EZR: variants seen among roughly 807,000 people sequenced by gnomAD.
EZR encodes cytovillin 2.
Under a neutral mutation model 74.8 loss-of-function variants are expected in EZR, and 40 were observed. That is an observed-to-expected ratio of 0.53 (90% CI 0.42 to 0.70). The LOEUF is 0.70. EZR is among the 30% of genes least tolerant of loss of function. The pLI is 0.00. For missense variants in EZR, 678 were observed against 755.8 expected (o/e 0.90, Z 1.21); for synonymous variants, 341 against 283.3 (o/e 1.20, Z -2.05).
intron 1 of EZR, among the ~76,000 whole-genome samples, chr6:158,818,785 C>G (rs1488672363): frequency 2.1e-5 from 3 of 143,350 alleles, no homozygotes; most frequent in Non-Finnish European, 4.5e-5. Flanking sequence ...AGTCCCGGGA[C>G]AGCCAGCGCG....
chr6:158,803,111 T>C (rs1480910889), intron 2 of EZR, among the ~76,000 whole-genome samples: 1 of 152,060 alleles, frequency 6.6e-6, no homozygotes, highest in African/African-American at 2.4e-5. Flanking sequence ...AAACTTAAAA[T>C]GTCAAGGCTA....
intron 2 of EZR, among the ~76,000 whole-genome samples, chr6:158,802,930 G>GTATATATATATATATATATATATA (rs1562503824): frequency 1.2e-4 from 19 of 152,044 alleles, no homozygotes; most frequent in African/African-American, 4.6e-4. Context: ...CTCCTACCCT[G>GTATATATATATATATATATATATA]CGATTCTCCT....
At chr6:158,782,072 T>C (rs1791447680) in intron 7 of EZR, among the ~76,000 whole-genome samples, 1 of 152,094 alleles carries the variant, frequency 6.6e-6, no homozygotes, top group African/African-American at 2.4e-5. Flanking sequence ...CCGTGCTTCT[T>C]TACCAATGCT....
intron 2 of EZR, among the ~76,000 whole-genome samples, chr6:158,803,530 TATATATA>T (rs1777236552): frequency 2.9e-5 from 2 of 68,194 alleles, no homozygotes; most frequent in African/African-American, 8.2e-5. Flanking sequence ...TGTAACATTA[TATATATA>T]TATATATGTA....
At chr6:158,817,355 C>G (rs1362637869) in intron 2 of EZR, among the ~76,000 whole-genome samples, 2 of 152,218 alleles carry the variant, frequency 1.3e-5, no homozygotes, top group Non-Finnish European at 2.9e-5. Flanking sequence ...CAGGTCTCGC[C>G]AGCAATCTCA....
intron 2 of EZR, among the ~76,000 whole-genome samples, chr6:158,803,626 C>A (rs1281610750): frequency 5.5e-5 from 1 of 18,304 alleles, no homozygotes; most frequent in Non-Finnish European, 1.1e-4. Context: ...TATATATATA[C>A]ATATACATAC....
chr6:158,775,962 T>C (rs141923461), intron 8 of EZR, among the ~76,000 whole-genome samples: 60 of 152,318 alleles, frequency 3.9e-4, no homozygotes, highest in South Asian at 8.3e-4. Context: ...GAAGCCCCGA[T>C]GAAACCTTGG....
At chr6:158,795,356 A>G (rs1562500793) in intron 2 of EZR, among the ~76,000 whole-genome samples, 1 of 152,164 alleles carries the variant, frequency 6.6e-6, no homozygotes, top group Non-Finnish European at 1.5e-5. Context: ...GGAGGATCTC[A>G]AGGCGAGGAG....
intron 2 of EZR, among the ~76,000 whole-genome samples, chr6:158,798,837 C>G (rs960530999): frequency 6.6e-5 from 10 of 151,978 alleles, no homozygotes; most frequent in African/African-American, 2.2e-4. Flanking sequence ...CCATGTTGCC[C>G]AGGGTGGCCT....
At chr6:158,781,205 C>T (rs776031594) in intron 7 of EZR, among the ~76,000 whole-genome samples, 5 of 152,082 alleles carry the variant, frequency 3.3e-5, no homozygotes, top group Admixed American at 6.5e-5. Context: ...ATGCTGCTAC[C>T]AAGTTGTCAA....
In EZR at chr6:158,785,535, G is replaced by C. The variant is rs369743003; in HGVS notation, c.241C>G (p.Arg81Gly). ...ACATCTTCAGGGTAGAACTTGGCCC[G>C]GAACTTGAACTGGAGGGGATTCTCC... ...RKENPLQFKF[R>G]AKFYPEDVAE... Residue 81 changes from arginine (R) to glycine (G), a missense_variant, in exon 5 of 14, where the codon CGG (arginine) becomes GGG (glycine). Physicochemically the swap from Arg to Gly is moderately radical, Grantham distance 125. Coordinates refer to ENST00000367075, the MANE Select transcript of EZR (RefSeq NM_001111077.2). 6.2e-7 allele frequency: 1 copy of C among 1,614,164 alleles called. No individual in the cohort carries two copies.
chr6:158,794,444 A>T (rs575019776), intron 2 of EZR, among the ~76,000 whole-genome samples: 2 of 152,334 alleles, frequency 1.3e-5, no homozygotes, highest in East Asian at 3.9e-4. Flanking sequence ...ACATATTTGA[A>T]TGCCAACTGG....
At chr6:158,813,236 A>G (rs1777485148) in intron 2 of EZR, among the ~76,000 whole-genome samples, 1 of 152,134 alleles carries the variant, frequency 6.6e-6, no homozygotes, top group Non-Finnish European at 1.5e-5. Flanking sequence ...CAGGGAGGTC[A>G]CGTCCTCAAG....
rs1484926525 is a variant in EZR at position 158,766,191 on chromosome 6, CCT to C, written c.*721_*722del. The C allele has an allele frequency of 6.6e-6, 1 of 152,320 alleles. No homozygotes were observed. Among genetic ancestry groups the C allele is most frequent in the East Asian group, 1.9e-4 (1 of 5,192 alleles). The allele number at this position is 152,320 out of a possible 1,614,324, so 9.4% of individuals were successfully genotyped here. On this transcript the variant is annotated 3_prime_UTR_variant, in exon 14 of 14. Coordinates refer to ENST00000367075, the MANE Select transcript of EZR (RefSeq NM_001111077.2). ...ACAAAATATACAGAACAAAACTTTC[CCT>C]TTTTAAAACTAATGTTACAAATCTG...
intron 2 of EZR, among the ~76,000 whole-genome samples, chr6:158,802,587 A>G (rs947326620): frequency 5.3e-5 from 8 of 152,112 alleles, no homozygotes; most frequent in Admixed American, 3.9e-4. Flanking sequence ...GCTGGAGTGC[A>G]GTGGCGCAAT....
intron 2 of EZR, among the ~76,000 whole-genome samples, chr6:158,816,714 C>T (rs1777564133): frequency 1.6e-5 from 1 of 64,304 alleles, no homozygotes; most frequent in South Asian, 3.5e-4. Flanking sequence ...TCTGAATCTA[C>T]TGGCATATTA....
At chr6:158,770,063 TG>T (rs1791053395) in intron 10 of EZR, 119 bp from the exon 11 acceptor site, 1 of 1,307,672 alleles carries the variant, frequency 7.6e-7, no homozygotes, top group Non-Finnish European at 1.0e-6. Context: ...GTTGAGGGGA[TG>T]TCTTCCAGTG....
intron 2 of EZR, among the ~76,000 whole-genome samples, chr6:158,816,628 A>G (rs972371511): frequency 9.9e-5 from 15 of 152,258 alleles, no homozygotes; most frequent in Non-Finnish European, 4.4e-5. Flanking sequence ...AATTAAAAAG[A>G]AAAATTTTGT....
intron 2 of EZR, among the ~76,000 whole-genome samples, chr6:158,794,081 G>A (rs986019080): frequency 6.6e-6 from 1 of 152,108 alleles, no homozygotes; most frequent in East Asian, 1.9e-4. Context: ...GTTCGAGACC[G>A]GCCTGGCCAA....
Sources: gnomAD v4.1 joint callset for allele counts (sites outside exome capture counted in the v4.1 genomes callset) on GRCh38, gnomAD v4.1.1 for gene constraint, MANE v1.5 for transcripts, NCBI Gene and HGNC (gene_info 2026-07-23, HGNC 2026-07-21) for gene names.